The following ATXN1 variants were observed in gnomAD, a reference collection of about 807,000 sequenced individuals.
ATXN1 encodes ataxin-1.
Under a neutral mutation model 56.4 loss-of-function variants are expected in ATXN1, and 8 were observed. That is an observed-to-expected ratio of 0.14 (90% CI 0.08 to 0.26). The LOEUF is 0.26. ATXN1 is among the 10% of genes least tolerant of loss of function. The pLI is 1.00. For missense variants in ATXN1, 987 were observed against 1,106.5 expected (o/e 0.89, Z 1.53); for synonymous variants, 514 against 494.6 (o/e 1.04, Z -0.52).
At chr6:16,356,228 C>T (rs1761686254) in intron 6 of ATXN1, among the ~76,000 whole-genome samples, 1 of 152,168 alleles carries the variant, frequency 6.6e-6, no homozygotes, top group Non-Finnish European at 1.5e-5. Context: ...TTGCACAAAA[C>T]CTCAGTAAAA....
Position 16,410,369 on chromosome 6 carries a change from C to T in ATXN1, c.-161+75603G>A, listed in dbSNP as rs1017694457. Among the ~76,000 whole-genome samples, 2 of 152,172 alleles carry T rather than the reference C, an allele frequency of 1.3e-5. No individual in the cohort carries two copies. Among genetic ancestry groups the T allele is most frequent in the Non-Finnish European group, 2.9e-5 (2 of 68,040 alleles). The stretch of plus-strand genomic sequence containing the variant: ...AAGGGACCCCTATGGAGGCAGAGAA[C>T]CTGAAATGAACAGTGAAGACTAAAT... On this transcript the variant is annotated intron_variant, in intron 6 of 7. Transcript: ENST00000436367. This position sits in a 1 kb window ranked among gnomAD's most constrained non-coding sequence, Gnocchi z 4.6.
At chr6:16,621,969 G>A (rs1160762305) in intron 3 of ATXN1, among the ~76,000 whole-genome samples, 2 of 152,108 alleles carry the variant, frequency 1.3e-5, no homozygotes, top group Admixed American at 6.6e-5. Context: ...TTAAAAATCT[G>A]TAGAATAGTA....
intron 5 of ATXN1, among the ~76,000 whole-genome samples, chr6:16,515,929 T>G (rs1034184873): frequency 6.6e-6 from 1 of 152,106 alleles, no homozygotes; most frequent in Non-Finnish European, 1.5e-5. Context: ...AGCCTAATGA[T>G]CTCCATCTCA....
At chr6:16,704,940 C>T (rs904444284) in intron 2 of ATXN1, among the ~76,000 whole-genome samples, 5 of 152,198 alleles carry the variant, frequency 3.3e-5, no homozygotes, top group Admixed American at 6.5e-5. Context: ...GTGAATCAAG[C>T]GACCACACTG....
chr6:16,440,501 A>AATAC (rs897746287), intron 6 of ATXN1, among the ~76,000 whole-genome samples: 9 of 151,462 alleles, frequency 5.9e-5, no homozygotes, highest in African/African-American at 2.2e-4. Context: ...CACAAGAGGG[A>AATAC]ATACATACAT....
chr6:16,730,482 A>AGTTTGT (rs1554128983), intron 2 of ATXN1, among the ~76,000 whole-genome samples: 2 of 84,980 alleles, frequency 2.4e-5, no homozygotes, highest in Admixed American at 1.0e-4. Flanking sequence ...AGGGTAAAAC[A>AGTTTGT]GTATGTATAT....
rs3116712 is a variant in ATXN1, at chr6:16,305,973, C to T, written c.*356G>A. On this transcript the variant is annotated 3_prime_UTR_variant, in exon 8 of 8. Coordinates refer to ENST00000436367, the MANE Select transcript of ATXN1 (RefSeq NM_001128164.2). ...GTGCAACCCTGCACCCCTGCAGGAC[C>T]CTTCCCACGGGACTTTTCTCCTGAC... The T allele has an allele frequency of 0.032, 7,450 of 229,706 alleles. 330 individuals carry two copies. Among genetic ancestry groups the T allele is most frequent in the South Asian group, 0.15 (2,529 of 17,418 alleles). 14.2% of individuals were successfully genotyped at this position (229,706 alleles called of 1,614,324 possible). A position where few individuals can be genotyped will look rare whatever the true frequency, so the allele number is the denominator to read the frequency against.
At chr6:16,693,754 A>G (rs1305941209) in intron 2 of ATXN1, among the ~76,000 whole-genome samples, 12 of 152,214 alleles carry the variant, frequency 7.9e-5, no homozygotes, top group Admixed American at 7.2e-4. Context: ...TTTATTATGA[A>G]GTGTATTTAA....
chr6:16,740,181 G>GA (rs1309445836), intron 2 of ATXN1, among the ~76,000 whole-genome samples: 4 of 152,156 alleles, frequency 2.6e-5, no homozygotes, highest in African/African-American at 9.7e-5. Flanking sequence ...CTTCTGCAAA[G>GA]AAAGAAAAGG....
At position 16,327,569 on chromosome 6, in the gene ATXN1, CGTACTG is replaced by C; in HGVS notation, c.736_741del (p.Gln246_Tyr247del). ...TTCTGCGGAGAACTGGAAATGTGGA[CGTACTG>C]GTTCTGCTGGGCTGGTGGGGGGGAC... On this transcript the variant is annotated inframe_deletion, in exon 7 of 8. Coordinates refer to ENST00000436367, the MANE Select transcript of ATXN1 (RefSeq NM_001128164.2). The C allele has an allele frequency of 6.2e-7, 1 of 1,602,908 alleles. No individual in the cohort carries two copies. Among genetic ancestry groups the C allele is most frequent in the Non-Finnish European group, 8.5e-7 (1 of 1,175,284 alleles).
intron 3 of ATXN1, among the ~76,000 whole-genome samples, chr6:16,622,221 G>A (rs1488516873): frequency 6.6e-6 from 1 of 152,204 alleles, no homozygotes; most frequent in African/African-American, 2.4e-5. Context: ...TTAAACCGGT[G>A]AAGGGGATAA....
intron 6 of ATXN1, among the ~76,000 whole-genome samples, chr6:16,417,628 C>T (rs147807918): frequency 5.9e-5 from 9 of 151,964 alleles, no homozygotes; most frequent in African/African-American, 1.2e-4. Context: ...TTACTAGAGA[C>T]GGGGTTTCGC....
At chr6:16,726,467 C>T (rs1400628320) in intron 2 of ATXN1, among the ~76,000 whole-genome samples, 3 of 151,892 alleles carry the variant, frequency 2.0e-5, no homozygotes, top group Non-Finnish European at 4.4e-5. Flanking sequence ...AGTGTCACTG[C>T]TAAACTAAAA....
At chr6:16,456,722 T>G (rs2113620282) in intron 6 of ATXN1, among the ~76,000 whole-genome samples, 1 of 152,342 alleles carries the variant, frequency 6.6e-6, no homozygotes, top group Non-Finnish European at 1.5e-5. Context: ...AGGTTAGTCT[T>G]GCTTCTAAAA....
intron 2 of ATXN1, among the ~76,000 whole-genome samples, chr6:16,704,108 A>C (rs78255781): frequency 0.049 from 7,442 of 152,306 alleles, 195 homozygotes; most frequent in South Asian, 0.089. Context: ...AAATCTGTAT[A>C]AGAGAGCAGG....
At chr6:16,331,911 C>T (rs1298416779) in intron 6 of ATXN1, among the ~76,000 whole-genome samples, 7 of 152,232 alleles carry the variant, frequency 4.6e-5, no homozygotes, top group Admixed American at 3.9e-4. Context: ...GAGACATCGG[C>T]TTAGTCAGCC....
intron 6 of ATXN1, among the ~76,000 whole-genome samples, chr6:16,445,480 C>G (rs1031513834): frequency 1.6e-4 from 24 of 151,830 alleles, no homozygotes; most frequent in African/African-American, 5.1e-4. Flanking sequence ...CATTTACCAC[C>G]TCTCTGCTTT....
intron 3 of ATXN1, among the ~76,000 whole-genome samples, chr6:16,588,073 C>A (rs955226525): frequency 6.6e-6 from 1 of 151,820 alleles, no homozygotes; most frequent in African/African-American, 2.4e-5. Flanking sequence ...GCCTCACCTA[C>A]GTTTCCTAGC....
At chr6:16,416,209 A>T (rs1168532567) in intron 6 of ATXN1, among the ~76,000 whole-genome samples, 1 of 152,184 alleles carries the variant, frequency 6.6e-6, no homozygotes, top group Non-Finnish European at 1.5e-5. Context: ...GGAAAAAAAA[A>T]ATTGGTCAAT....
Sources: gnomAD v4.1 joint callset for allele counts (sites outside exome capture counted in the v4.1 genomes callset) on GRCh38, gnomAD v4.1.1 for gene constraint, Gnocchi (gnomAD v3.1) non-coding constraint, MANE v1.5 for transcripts, NCBI Gene and HGNC (gene_info 2026-07-23, HGNC 2026-07-21) for gene names.